The following ST8SIA6 variants were observed in gnomAD, a reference collection of about 807,000 sequenced individuals.
The protein encoded by ST8SIA6 is ST8 alpha-N-acetyl-neuraminide alpha-2,8-sialyltransferase 6, also known as alpha-2,8-sialyltransferase 8F.
Under a neutral mutation model 33.6 loss-of-function variants are expected in ST8SIA6, and 39 were observed. That is an observed-to-expected ratio of 1.16 (90% confidence interval 0.90 to 1.52). ST8SIA6 has a LOEUF of 1.52. ST8SIA6 is among the 40% of genes most tolerant of loss of function. The pLI, the probability that ST8SIA6 is intolerant of heterozygous loss-of-function variation, is 0.00. For synonymous variants in ST8SIA6, 172 were observed against 167.2 expected (o/e 1.03, Z -0.22); for missense variants, 441 against 443.8 (o/e 0.99, Z 0.06).
chr10:17,397,582 T>G (rs1041351505), intron 2 of ST8SIA6, among the ~76,000 whole-genome samples: 1 of 152,138 alleles, frequency 6.6e-6, no homozygotes, highest in Non-Finnish European at 1.5e-5. Flanking sequence ...AGACCTTCCA[T>G]CCCCATCGCT....
intron 3 of ST8SIA6, among the ~76,000 whole-genome samples, chr10:17,365,478 C>T (rs1054251946): frequency 6.6e-6 from 1 of 152,108 alleles, no homozygotes; most frequent in Admixed American, 6.6e-5. Flanking sequence ...ATAAACAATT[C>T]ATAAGTTTAA....
In ST8SIA6 at chr10:17,389,779, G is replaced by A. The variant is rs533768137; in HGVS notation, c.290+752C>T. 3.9e-5 allele frequency among the ~76,000 whole-genome samples: 6 copies of A among 152,214 alleles called. 1 individual carries two copies. Among genetic ancestry groups the A allele is most frequent in the African/African-American group, 1.2e-4 (5 of 41,544 alleles). The stretch of plus-strand genomic sequence containing the variant: ...TATCATGTTCTCAAAAGGATTGGGG[G>A]CCTATAAAAGTTTAGCCAGTATAAC... On this transcript the variant is annotated intron_variant, in intron 3 of 7. Coordinates refer to ENST00000377602, the MANE Select transcript of ST8SIA6 (RefSeq NM_001004470.3).
chr10:17,321,372 T>C (rs1164771378), intron 7 of ST8SIA6, 26 bp from the exon 8 acceptor site: 1 of 1,537,448 alleles, frequency 6.5e-7, no homozygotes, highest in African/African-American at 1.4e-5. Context: ...AAAATTATAG[T>C]AATCCCAAGA....
At chr10:17,418,407 G>T (rs1340107402) in intron 2 of ST8SIA6, among the ~76,000 whole-genome samples, 1 of 152,020 alleles carries the variant, frequency 6.6e-6, no homozygotes, top group Non-Finnish European at 1.5e-5. Flanking sequence ...TTTTTTTCTG[G>T]CATGTTGAGT....
chr10:17,357,114 C>A (rs1354058394), intron 4 of ST8SIA6, among the ~76,000 whole-genome samples: 1 of 149,394 alleles, frequency 6.7e-6, no homozygotes, highest in Non-Finnish European at 1.5e-5. Flanking sequence ...GGAAATGTTT[C>A]AAAGTTGGCC....
intron 2 of ST8SIA6, among the ~76,000 whole-genome samples, chr10:17,427,826 T>G (rs931039855): frequency 8.3e-4 from 127 of 152,242 alleles, no homozygotes; most frequent in African/African-American, 2.9e-3. Flanking sequence ...TGCCTTGCAC[T>G]TCGTCCTTTA....
chr10:17,350,275 C>T (rs1226255348), intron 4 of ST8SIA6, among the ~76,000 whole-genome samples: 5 of 152,186 alleles, frequency 3.3e-5, no homozygotes, highest in African/African-American at 1.2e-4. Context: ...TTGGCTGTGT[C>T]GTGGAGGACA....
Position 17,451,976 on chromosome 10 carries a change from C to T in ST8SIA6, c.200+1583G>A, listed in dbSNP as rs573705127. 2.0e-5 allele frequency among the ~76,000 whole-genome samples: 3 copies of T among 151,992 alleles called. No homozygotes were observed. The South Asian group carries it at 6.2e-4, about 32-fold the overall frequency. On this transcript the variant is annotated intron_variant, in intron 2 of 7. Transcript: ENST00000377602. ...GTATGTCAAAAGAAAGTGAAAAATT[C>T]ATCAAAGATTACCTCTAAAAACGAC...
At chr10:17,348,101 C>T (rs1276529617) in intron 4 of ST8SIA6, among the ~76,000 whole-genome samples, 3 of 150,836 alleles carry the variant, frequency 2.0e-5, no homozygotes, top group Non-Finnish European at 4.4e-5. Flanking sequence ...AAATCTAGGT[C>T]ACTGCTATTA....
At chr10:17,386,972 T>A (rs366032) in intron 3 of ST8SIA6, 108,360 of 152,212 alleles carry the variant, frequency 0.71, 40,547 homozygotes, top group East Asian at 0.99. Flanking sequence ...CGCCAGCTTC[T>A]AGGCCCTGGG....
chr10:17,320,972 C>T lies in ST8SIA6; in HGVS notation c.1103G>A (p.Gly368Asp). ...HYYDNKLPKH[G>D]FHQMPKEYSQ... ...GTATTCTTTGGGCATCTGATGGAAA[C>T]CATGTTTAGGTAGCTTGTTGTCATA... is the stretch of plus-strand genomic sequence containing the variant. The change falls in exon 8 of 8, where the codon GGT becomes GAT. Residue 368 changes from glycine to aspartate, a missense_variant. Coordinates refer to ENST00000377602, the MANE Select transcript of ST8SIA6 (RefSeq NM_001004470.3). The T allele has an allele frequency of 6.2e-7, 1 of 1,614,084 alleles. No homozygotes were observed. The highest frequency in any genetic ancestry group is 8.5e-7 in the Non-Finnish European group (1 of 1,179,972).
intron 3 of ST8SIA6, among the ~76,000 whole-genome samples, chr10:17,361,532 A>G (rs1849390168): frequency 6.6e-6 from 1 of 151,662 alleles, no homozygotes; most frequent in Admixed American, 6.6e-5. Context: ...ACACACACAC[A>G]CACACACACA....
At chr10:17,399,537 G>C (rs1447226971) in intron 2 of ST8SIA6, among the ~76,000 whole-genome samples, 1 of 152,142 alleles carries the variant, frequency 6.6e-6, no homozygotes, top group East Asian at 1.9e-4. Context: ...TACCCTCAAT[G>C]AAGATTAATT....
intron 3 of ST8SIA6, among the ~76,000 whole-genome samples, chr10:17,384,349 T>A (rs1162526609): frequency 6.6e-6 from 1 of 152,240 alleles, no homozygotes; most frequent in Non-Finnish European, 1.5e-5. Flanking sequence ...AGATTGCTTC[T>A]ATGGAACAGA....
chr10:17,437,267 C>A (rs1240062863), intron 2 of ST8SIA6, among the ~76,000 whole-genome samples: 1 of 152,172 alleles, frequency 6.6e-6, no homozygotes, highest in Non-Finnish European at 1.5e-5. Flanking sequence ...TCAAGCAATT[C>A]TTCTGCCTCA....
At chr10:17,391,315 T>C (rs1037582071) in intron 2 of ST8SIA6, among the ~76,000 whole-genome samples, 3 of 151,888 alleles carry the variant, frequency 2.0e-5, no homozygotes, top group Non-Finnish European at 4.4e-5. Flanking sequence ...CAGGCTGGAG[T>C]GCAGTGGTGC....
In ST8SIA6 at chr10:17,316,453, C is replaced by T. The variant is rs1342817458; in HGVS notation, c.*4425G>A. ...AATTTGTCTACTTACTACCGCAAAC[C>T]ATAATGGAATAAATACCTTAATACT... On this transcript the variant is annotated 3_prime_UTR_variant, in exon 8 of 8. Coordinates refer to ENST00000377602, the MANE Select transcript of ST8SIA6 (RefSeq NM_001004470.3). Among the ~76,000 whole-genome samples, 1 of 152,032 alleles carries T rather than the reference C, an allele frequency of 6.6e-6. No individual in the cohort carries two copies. The highest frequency in any genetic ancestry group is 1.5e-5 in the Non-Finnish European group (1 of 67,950).
intron 3 of ST8SIA6, among the ~76,000 whole-genome samples, chr10:17,383,285 C>A (rs752093282): frequency 3.5e-4 from 53 of 152,000 alleles, no homozygotes; most frequent in Admixed American, 6.5e-4. Context: ...CTAATTAATC[C>A]TTTAAGACAT....
At chr10:17,421,169 T>G (rs1851770310) in intron 2 of ST8SIA6, among the ~76,000 whole-genome samples, 1 of 152,184 alleles carries the variant, frequency 6.6e-6, no homozygotes, top group Non-Finnish European at 1.5e-5. Context: ...CATGACTGAC[T>G]GATGCCTAGC....
Sources: allele counts gnomAD v4.1 joint callset (sites outside exome capture counted in the v4.1 genomes callset), GRCh38; gene constraint gnomAD v4.1.1; transcripts MANE v1.5; gene names NCBI Gene and HGNC (gene_info 2026-07-23, HGNC 2026-07-21).